Variants in WNT3A observed in about 807,000 individuals in gnomAD.
WNT3A encodes the protein protein Wnt-3a.
WNT3A carries 17 observed loss-of-function variants against 37.0 expected under a neutral mutation model. The observed-to-expected ratio is 0.46, with a 90% CI of 0.31 to 0.69. The LOEUF is 0.69. WNT3A is among the 30% of genes least tolerant of loss of function. The pLI is 0.05. For synonymous variants in WNT3A, 187 were observed against 211.0 expected (o/e 0.89, Z 0.99); for missense variants, 411 against 510.2 (o/e 0.81, Z 1.87).
Position 228,045,417 on chromosome 1 carries a change from C to G in WNT3A, c.314-5239C>G, listed in dbSNP as rs146158146. ...TGGAGCTGTGTGCCATGCGTGAGCT[C>G]CAGGAGCACCCAGGACACTCCTCAA... On this transcript the variant is annotated intron_variant, in intron 2 of 3. Transcript: ENST00000284523. Among the ~76,000 whole-genome samples the G allele has an allele frequency of 1.4e-3, 210 of 152,162 alleles. 4 individuals carry two copies. The East Asian group carries it at 0.034, about 25-fold the overall frequency.
rs181976743 is a variant in WNT3A, at chr1:228,050,247, G to T, written c.314-409G>T. 9.5e-4 allele frequency among the ~76,000 whole-genome samples: 145 copies of T among 152,250 alleles called. 2 individuals are homozygous for T. In the East Asian group the frequency reaches 0.016, roughly 17 times the overall value. On this transcript the variant is annotated intron_variant, in intron 2 of 3. Coordinates refer to ENST00000284523, the MANE Select transcript of WNT3A (RefSeq NM_033131.4). This position sits in a 1 kb window ranked among gnomAD's most constrained non-coding sequence, Gnocchi z 5.0. Reference sequence around the variant, plus strand: ...GATGGGGTCTTGCTATGTTGAAAAGGCTGTCCTGGTCTCAAGCAGTCCTCC... The same window carrying T: ...GATGGGGTCTTGCTATGTTGAAAAGTCTGTCCTGGTCTCAAGCAGTCCTCC...
In WNT3A at chr1:228,060,197, T is replaced by G. The variant is rs770473724; in HGVS notation, c.*732T>G. ...GCCCTCCTGATTAAGGCGTGGCTTC[T>G]GCAGGAATCCCGGCTCCAGAGCAGG... On this transcript the variant is annotated 3_prime_UTR_variant, in exon 4 of 4. Coordinates refer to ENST00000284523, the MANE Select transcript of WNT3A (RefSeq NM_033131.4). The G allele has an allele frequency of 7.4e-7, 1 of 1,351,774 alleles. No homozygotes were observed. Among genetic ancestry groups the G allele is most frequent in the Non-Finnish European group, 9.8e-7 (1 of 1,021,514 alleles). 83.7% of individuals were successfully genotyped at this position (1,351,774 alleles called of 1,614,324 possible).
rs1182020806 is a variant in WNT3A, at chr1:228,008,690, G to T, written c.71+1491G>T. Among the ~76,000 whole-genome samples, 3 of 152,272 alleles carry T rather than the reference G, an allele frequency of 2.0e-5. No homozygotes were observed. Among genetic ancestry groups the T allele is most frequent in the African/African-American group, 4.8e-5 (2 of 41,556 alleles). On this transcript the variant is annotated intron_variant, in intron 1 of 3. Coordinates refer to ENST00000284523, the MANE Select transcript of WNT3A (RefSeq NM_033131.4). This position sits in a 1 kb window ranked among gnomAD's most constrained non-coding sequence, Gnocchi z 4.9. ...CGCGTCCGTCCGAGAGAGCCCCGAG[G>T]GCTGCCGGCTTACGCACCAGGCTTC...
At position 228,059,243 on chromosome 1, in the gene WNT3A, C is replaced by A. The variant is rs2031743518; in HGVS notation, c.837C>A (p.Asn279Lys). 3.1e-6 allele frequency: 5 copies of A among 1,609,144 alleles called. No homozygotes were observed. Among genetic ancestry groups the A allele is most frequent in the Admixed American group, 1.7e-5 (1 of 59,874 alleles). ...TGGTCTACTACGAGGCCTCGCCCAACTTCTGCGAGCCCAACCCTGAGACGG... is the reference window on the plus strand; with the variant it reads ...TGGTCTACTACGAGGCCTCGCCCAAATTCTGCGAGCCCAACCCTGAGACGG... ...RDLVYYEASP[N>K]FCEPNPETGS... The change falls in exon 4 of 4, where the codon AAC becomes AAA. Residue 279 changes from asparagine to lysine, a missense_variant. Physicochemically the swap from Asn to Lys is moderately conservative, Grantham distance 94. Coordinates refer to ENST00000284523, the MANE Select transcript of WNT3A (RefSeq NM_033131.4).
intron 1 of WNT3A, among the ~76,000 whole-genome samples, chr1:228,021,426 T>C (rs1364148880): frequency 6.6e-6 from 1 of 152,172 alleles, no homozygotes; most frequent in Admixed American, 6.5e-5. Flanking sequence ...GGATGAGTGT[T>C]GCCTGGTCTT....
Position 228,059,597 on chromosome 1 carries a change from G to GCTCCTACCTGGGGGCAGAA in WNT3A, c.*143_*161dup. On this transcript the variant is annotated 3_prime_UTR_variant, in exon 4 of 4. Transcript: ENST00000284523. ...GGCGGGACTCCTCCCTGGGGGTGGG[G>GCTCCTACCTGGGGGCAGAA]CTCCTACCTGGGGGCAGAACTCCTA... 1 of 1,387,786 alleles carries GCTCCTACCTGGGGGCAGAA rather than the reference G, an allele frequency of 7.2e-7. No homozygotes were observed. Among genetic ancestry groups the GCTCCTACCTGGGGGCAGAA allele is most frequent in the Non-Finnish European group, 9.3e-7 (1 of 1,078,760 alleles). 86.0% of individuals were successfully genotyped at this position (1,387,786 alleles called of 1,614,324 possible).
chr1:228,042,085 T>C lies in WNT3A; in HGVS notation c.314-8571T>C, dbSNP rs2031297354. ...CCTCCGCCTCCCGGGTTCAAGCGATTCTCCCACCTCAGCCTCTTGAGTAGC... is the reference window on the plus strand; with the variant it reads ...CCTCCGCCTCCCGGGTTCAAGCGATCCTCCCACCTCAGCCTCTTGAGTAGC... On this transcript the variant is annotated intron_variant, in intron 2 of 3. Transcript: ENST00000284523. The surrounding 1 kb of genome is among the most constrained non-coding windows in gnomAD (Gnocchi z 5.2). Among the ~76,000 whole-genome samples the C allele has an allele frequency of 6.6e-6, 1 of 152,092 alleles. No homozygotes were observed. The highest frequency in any genetic ancestry group is 1.5e-5 in the Non-Finnish European group (1 of 68,014).
chr1:228,010,336 C>T (rs1196881506), intron 1 of WNT3A, among the ~76,000 whole-genome samples: 1 of 152,118 alleles, frequency 6.6e-6, no homozygotes, highest in Non-Finnish European at 1.5e-5. Flanking sequence ...TGCCTCCCGC[C>T]ACCGCCTCCC....
At chr1:228,055,193 TATATATATATATATATATATATATATAC>T (rs2031658855) in intron 3 of WNT3A, among the ~76,000 whole-genome samples, 1 of 60,288 alleles carries the variant, frequency 1.7e-5, no homozygotes, top group Non-Finnish European at 3.3e-5. Flanking sequence ...TATATATATA[TATATATATATATATATATATATATATAC>T]ACACACACAA....
In WNT3A at chr1:228,060,802, A is replaced by T. The variant is rs1433490514; in HGVS notation, c.*1337A>T. On this transcript the variant is annotated 3_prime_UTR_variant, in exon 4 of 4. Transcript: ENST00000284523. ...CACAGCCCCTTAAGGGAAAGGTAGG[A>T]AGAGAGGTCCAGCCCCCCAGGCTGC... 1 of 153,832 alleles carries T rather than the reference A, an allele frequency of 6.5e-6. No individual in the cohort carries two copies. Among genetic ancestry groups the T allele is most frequent in the African/African-American group, 2.4e-5 (1 of 41,460 alleles). 9.5% of individuals were successfully genotyped at this position (153,832 alleles called of 1,614,324 possible).
intron 2 of WNT3A, among the ~76,000 whole-genome samples, chr1:228,032,448 G>A (rs998647640): frequency 3.9e-5 from 6 of 152,202 alleles, no homozygotes; most frequent in African/African-American, 1.4e-4. Context: ...AACTCCAGCT[G>A]CTTCAAGGAA....
chr1:228,025,494 A>G (rs2030831460), intron 2 of WNT3A, among the ~76,000 whole-genome samples: 1 of 152,104 alleles, frequency 6.6e-6, no homozygotes, highest in South Asian at 2.1e-4. Flanking sequence ...GACCACAGGC[A>G]TGCGCCACCA....
At chr1:228,055,172 AAAAAAAAATATATATATATATATAT>A (rs2031650862) in intron 3 of WNT3A, among the ~76,000 whole-genome samples, 1 of 71,426 alleles carries the variant, frequency 1.4e-5, no homozygotes, top group African/African-American at 6.3e-5. Context: ...AAAAAAAAAA[AAAAAAAAATATATATATATATATAT>A]ATATATATAT....
intron 2 of WNT3A, among the ~76,000 whole-genome samples, chr1:228,049,449 A>G (rs1195326585): frequency 6.6e-6 from 1 of 152,208 alleles, no homozygotes; most frequent in African/African-American, 2.4e-5. Context: ...GTTAATGGAC[A>G]TTGGGGTACT....
At chr1:228,021,499 A>C (rs940527585) in intron 1 of WNT3A, among the ~76,000 whole-genome samples, 6 of 151,858 alleles carry the variant, frequency 4.0e-5, no homozygotes, top group Admixed American at 2.0e-4. Flanking sequence ...CCTCCTCCCC[A>C]CGTGCTCACG....
Position 228,038,117 on chromosome 1 carries a change from C to A in WNT3A, c.314-12539C>A, listed in dbSNP as rs1234993130. The stretch of plus-strand genomic sequence containing the variant: ...GTCAGGGGCCGTGGCCGCGGTGGGG[C>A]GCGGGCCGCATTCCGCTCTCAGGTG... On this transcript the variant is annotated intron_variant, in intron 2 of 3. Transcript: ENST00000284523. This position sits in a 1 kb window ranked among gnomAD's most constrained non-coding sequence, Gnocchi z 5.7. 9.9e-5 allele frequency among the ~76,000 whole-genome samples: 15 copies of A among 151,956 alleles called. No individual in the cohort carries two copies. Among genetic ancestry groups the A allele is most frequent in the Non-Finnish European group, 1.5e-5 (1 of 67,950 alleles).
chr1:228,007,308 C>T lies in WNT3A; in HGVS notation c.71+109C>T. On this transcript the variant is annotated intron_variant, in intron 1 of 3. Coordinates refer to ENST00000284523, the MANE Select transcript of WNT3A (RefSeq NM_033131.4). The surrounding 1 kb of genome is among the most constrained non-coding windows in gnomAD (Gnocchi z 6.0). ...GGCCCGAGCCCGCGCCCTTCTGCTC[C>T]AGCCCCGCGTGCGGGCCGCGGGCGG... 2.7e-6 allele frequency: 3 copies of T among 1,121,394 alleles called. No homozygotes were observed. Among genetic ancestry groups the T allele is most frequent in the Non-Finnish European group, 3.6e-6 (3 of 826,446 alleles). The allele number at this position is 1,121,394 out of a possible 1,614,324, so 69.5% of individuals were successfully genotyped here. A position where few individuals can be genotyped will look rare whatever the true frequency, so the allele number is the denominator to read the frequency against.
At position 228,042,033 on chromosome 1, in the gene WNT3A, C is replaced by T. The variant is rs1000834418; in HGVS notation, c.314-8623C>T. ...CTCCCTCTGTTGCCAGGCTGGAGTG[C>T]AGTGGTGTGACCTCGGCTCACTGCA... On this transcript the variant is annotated intron_variant, in intron 2 of 3. Transcript: ENST00000284523. The surrounding 1 kb of genome is among the most constrained non-coding windows in gnomAD (Gnocchi z 5.2). Among the ~76,000 whole-genome samples the T allele has an allele frequency of 6.6e-6, 1 of 152,102 alleles. No individual in the cohort carries two copies. Among genetic ancestry groups the T allele is most frequent in the Admixed American group, 6.5e-5 (1 of 15,272 alleles).
intron 3 of WNT3A, among the ~76,000 whole-genome samples, chr1:228,053,320 C>T (rs1357080351): frequency 6.6e-6 from 1 of 152,188 alleles, no homozygotes; most frequent in Non-Finnish European, 1.5e-5. Flanking sequence ...CTACCTCACA[C>T]CATCTGTAAA....
Sources: allele counts gnomAD v4.1 joint callset (sites outside exome capture counted in the v4.1 genomes callset), GRCh38; gene constraint gnomAD v4.1.1; non-coding constraint Gnocchi (gnomAD v3.1); transcripts MANE v1.5; gene names NCBI Gene and HGNC (gene_info 2026-07-23, HGNC 2026-07-21).